PDE2A: variants seen among roughly 807,000 people sequenced by gnomAD.
PDE2A encodes cGMP-dependent 3',5'-cyclic phosphodiesterase.
Under a neutral mutation model 133.6 loss-of-function variants are expected in PDE2A, and 53 were observed. The observed-to-expected ratio is 0.40, with a 90% confidence interval of 0.32 to 0.50. The LOEUF is 0.50. Among genes scored for constraint, PDE2A ranks in the 20% least tolerant of loss-of-function variants. PDE2A has a pLI of 0.73. For synonymous variants in PDE2A, 491 were observed against 490.2 expected (o/e 1.00, Z -0.02); for missense variants, 796 against 1,232.4 (o/e 0.65, Z 5.30).
In PDE2A at chr11:72,581,364, A is replaced by C. The variant is rs770031228; in HGVS notation, c.2038T>G (p.Tyr680Asp). 6.2e-6 allele frequency: 10 copies of C among 1,612,910 alleles called. No homozygotes were observed. In the Admixed American group the frequency reaches 1.5e-4, roughly 24 times the overall value. ...GGAGATGCAGCCACTCACTCGAGGT[A>C]GTTGGTGAGCTCCAGGTTCTTGTAG... Reference protein sequence around the residue: ...LLYKNLELTNYLEDIEIFALF... With the variant: ...LLYKNLELTNDLEDIEIFALF... The change falls in exon 23 of 31, where the codon TAC becomes GAC. Residue 680 changes from tyrosine to aspartate, a missense_variant. Tyr to Asp is a radical substitution (Grantham distance 160). Transcript: ENST00000334456.
intron 6 of PDE2A, 101 bp downstream of exon 6, chr11:72,596,484 TCACACACA>T (rs60716742): frequency 1.0e-5 from 2 of 192,282 alleles, no homozygotes; most frequent in African/African-American, 5.6e-5. Context: ...TCTCTCTCTC[TCACACACA>T]CACACACACA....
intron 12 of PDE2A, 49 bp from the exon 13 acceptor site, chr11:72,588,963 TC>T: frequency 6.4e-7 from 1 of 1,566,484 alleles, no homozygotes; most frequent in Non-Finnish European, 8.7e-7. Flanking sequence ...GCAGTATGCT[TC>T]CCTCCTCCAG....
chr11:72,634,181 G>A lies in PDE2A; in HGVS notation c.144+8073C>T, dbSNP rs552091776. 4.6e-5 allele frequency among the ~76,000 whole-genome samples: 7 copies of A among 151,748 alleles called. No individual in the cohort carries two copies. The East Asian group carries it at 7.7e-4, about 17-fold the overall frequency. ...GAGGGAAGGGGCAGCAGGAGGAAGC[G>A]GGTGGCAGAGTCACGACAGGAGGGC... On this transcript the variant is annotated intron_variant, in intron 2 of 30. Coordinates refer to ENST00000334456, the MANE Select transcript of PDE2A (RefSeq NM_002599.5).
rs772894994 is a variant in PDE2A at position 72,581,479 on chromosome 11, C to G, written c.1923G>C (p.Arg641=). 2.5e-6 allele frequency: 4 copies of G among 1,592,528 alleles called. 1 individual carries two copies. In the Admixed American group the frequency reaches 7.3e-5, roughly 29 times the overall value. The change falls in exon 23 of 31, where the codon CGG becomes CGC. Residue 641 remains arginine (R), a splice_region_variant and synonymous_variant. Transcript: ENST00000334456. The part of the protein sequence containing the change: ...NYKIDCPTLA[R]FCLMVKKGYR... Reference sequence around the variant, plus strand: ...AGCCCTTCTTCACCATCAAACAGAACCTGGGGGAGGGAAGAGGGCAGAAGA... The same window carrying G: ...AGCCCTTCTTCACCATCAAACAGAAGCTGGGGGAGGGAAGAGGGCAGAAGA...
chr11:72,579,161 C>T lies in PDE2A; in HGVS notation c.2356+123G>A, dbSNP rs914009527. On this transcript the variant is annotated intron_variant, in intron 27 of 30. Coordinates refer to ENST00000334456, the MANE Select transcript of PDE2A (RefSeq NM_002599.5). ...AGTGCTGGGTCTGCCTGGGGGGGGC[C>T]GTGCAGCCAGAGAAGGGTTGATGTT... 5 of 943,658 alleles carry T rather than the reference C, an allele frequency of 5.3e-6. No individual in the cohort carries two copies. The highest frequency in any genetic ancestry group is 1.6e-5 in the African/African-American group (1 of 62,142). 58.5% of individuals were successfully genotyped at this position (943,658 alleles called of 1,614,324 possible).
At chr11:72,649,006 G>A (rs1000991998) in intron 1 of PDE2A, among the ~76,000 whole-genome samples, 12 of 152,106 alleles carry the variant, frequency 7.9e-5, no homozygotes, top group African/African-American at 1.7e-4. Context: ...ACCTAAATCT[G>A]ATTCTGCCTC....
At position 72,581,761 on chromosome 11, in the gene PDE2A, GAC is replaced by G. The variant is rs1855733691; in HGVS notation, c.1922+114_1922+115del. ...TCATGGATCCTCCCCACCCCCATAA[GAC>G]TGGGTCTCCCCAGTCATCCTTAGAG... On this transcript the variant is annotated intron_variant, in intron 22 of 30. Coordinates refer to ENST00000334456, the MANE Select transcript of PDE2A (RefSeq NM_002599.5). The G allele has an allele frequency of 1.2e-5, 12 of 1,007,642 alleles. No homozygotes were observed. In the South Asian group the frequency reaches 1.6e-4, roughly 13 times the overall value. The allele number at this position is 1,007,642 out of a possible 1,614,324, so 62.4% of individuals were successfully genotyped here.
At position 72,590,906 on chromosome 11, in the gene PDE2A, T is replaced by C; in HGVS notation, c.550-326A>G. The C allele has an allele frequency of 2.8e-6, 1 of 359,506 alleles. No homozygotes were observed. Among genetic ancestry groups the C allele is most frequent in the Non-Finnish European group, 5.0e-6 (1 of 201,904 alleles). 22.3% of individuals were successfully genotyped at this position (359,506 alleles called of 1,614,324 possible). Reference sequence around the variant, plus strand: ...GTAAGTCCTTGTTAAAGTCACAAAATCATAAAGTCTCAGGCATGAAAGAGC... The same window carrying C: ...GTAAGTCCTTGTTAAAGTCACAAAACCATAAAGTCTCAGGCATGAAAGAGC... On this transcript the variant is annotated intron_variant, in intron 7 of 30. Transcript: ENST00000334456. This position sits in a 1 kb window ranked among gnomAD's most constrained non-coding sequence, Gnocchi z 4.8.
At chr11:72,612,393 T>C (rs1340871710) in intron 2 of PDE2A, among the ~76,000 whole-genome samples, 1 of 151,844 alleles carries the variant, frequency 6.6e-6, no homozygotes, top group Non-Finnish European at 1.5e-5. Flanking sequence ...CAAATATCAG[T>C]ATAGATATCA....
chr11:72,594,713 T>C (rs1052473388), intron 6 of PDE2A, among the ~76,000 whole-genome samples: 9 of 152,092 alleles, frequency 5.9e-5, no homozygotes, highest in Non-Finnish European at 1.3e-4. Flanking sequence ...GCCTCCTTCC[T>C]GCCTTGCTCA....
chr11:72,641,087 C>T (rs1858932346), intron 2 of PDE2A, among the ~76,000 whole-genome samples: 1 of 152,194 alleles, frequency 6.6e-6, no homozygotes, highest in African/African-American at 2.4e-5. Flanking sequence ...TATAGACCCA[C>T]CCAGCCTGGA....
At chr11:72,621,770 G>C (rs1046451655) in intron 2 of PDE2A, 2 of 152,028 alleles carry the variant, frequency 1.3e-5, no homozygotes, top group East Asian at 3.9e-4. Flanking sequence ...AAAATCCAAA[G>C]TCACATCTAT....
At chr11:72,637,412 T>G (rs1014601415) in intron 2 of PDE2A, among the ~76,000 whole-genome samples, 1 of 152,266 alleles carries the variant, frequency 6.6e-6, no homozygotes, top group African/African-American at 2.4e-5. Context: ...CTTCCCACCC[T>G]CTGTGCTGGG....
Position 72,589,194 on chromosome 11 carries a change from T to C in PDE2A, c.920A>G (p.Gln307Arg), listed in dbSNP as rs1232034599. The C allele has an allele frequency of 6.2e-7, 1 of 1,613,864 alleles. No individual in the cohort carries two copies. Among genetic ancestry groups the C allele is most frequent in the East Asian group, 2.2e-5 (1 of 44,882 alleles). Reference sequence around the variant, plus strand: ...ACTTACGGAGGTGAGGTCCTTCAGCTGGATGGACTTCTTGTCTTCCACCAC... The same window carrying C: ...ACTTACGGAGGTGAGGTCCTTCAGCCGGATGGACTTCTTGTCTTCCACCAC... The part of the protein sequence containing the change: ...GQVVEDKKSI[Q>R]LKDLTSEDVQ... Residue 307 changes from glutamine (Q) to arginine (R), a missense_variant, in exon 12 of 31, where the codon CAG (glutamine) becomes CGG (arginine). Around this residue, in one of 7 missense-constraint regions of PDE2A, gnomAD observed 417 missense variants for 475.3 expected, o/e 0.88. Coordinates refer to ENST00000334456, the MANE Select transcript of PDE2A (RefSeq NM_002599.5).
intron 2 of PDE2A, among the ~76,000 whole-genome samples, chr11:72,636,374 T>A (rs1202161645): frequency 6.6e-6 from 1 of 152,256 alleles, no homozygotes; most frequent in Non-Finnish European, 1.5e-5. Flanking sequence ...TGAATTTTAT[T>A]AAGTATTACA....
Position 72,590,233 on chromosome 11 carries a change from C to G in PDE2A, c.715G>C (p.Asp239His). The change falls in exon 9 of 31, where the codon GAC (aspartate) becomes CAC (histidine). Residue 239 changes from aspartate (D) to histidine (H), a missense_variant. By Grantham distance (81) the Asp-to-His change is moderately conservative (BLOSUM62 -1). Coordinates refer to ENST00000334456, the MANE Select transcript of PDE2A (RefSeq NM_002599.5). The surrounding 1 kb of genome is among the most constrained non-coding windows in gnomAD (Gnocchi z 4.8). Reference protein sequence around the residue: ...KILQLCGELYDLDASSLQLKV... With the variant: ...KILQLCGELYHLDASSLQLKV... ...AGCTGCAGGGAAGAGGCATCCAGGTCGTAGAGTTCCCCTGCAAGGGCCAGG... is the reference window on the plus strand; with the variant it reads ...AGCTGCAGGGAAGAGGCATCCAGGTGGTAGAGTTCCCCTGCAAGGGCCAGG... 2 of 1,551,602 alleles carry G rather than the reference C, an allele frequency of 1.3e-6. No individual in the cohort carries two copies. The highest frequency in any genetic ancestry group is 1.2e-5 in the South Asian group (1 of 84,034).
chr11:72,666,705 C>T (rs1444296685), intron 1 of PDE2A, among the ~76,000 whole-genome samples: 2 of 152,208 alleles, frequency 1.3e-5, no homozygotes, highest in East Asian at 3.8e-4. Flanking sequence ...ACAGGGAACA[C>T]ACATACGGTT....
chr11:72,591,283 C>A lies in PDE2A; in HGVS notation c.549+14G>T. 1.2e-6 allele frequency: 2 copies of A among 1,608,694 alleles called. No homozygotes were observed. The highest frequency in any genetic ancestry group is 1.7e-6 in the Non-Finnish European group (2 of 1,175,118). On this transcript the variant is annotated intron_variant, in intron 7 of 30. Coordinates refer to ENST00000334456, the MANE Select transcript of PDE2A (RefSeq NM_002599.5). ...GTCTTCAGCCTCATTGCACATGGCCCCACTCCCACTCACATGCTTCTCCAC... is the reference window on the plus strand; with the variant it reads ...GTCTTCAGCCTCATTGCACATGGCCACACTCCCACTCACATGCTTCTCCAC...
chr11:72,593,628 A>G (rs547596702), intron 6 of PDE2A, among the ~76,000 whole-genome samples: 29 of 152,318 alleles, frequency 1.9e-4, no homozygotes, highest in South Asian at 1.0e-3. Context: ...ATCAAATGCC[A>G]GAGACCAAGG....
Sources: gnomAD v4.1 joint callset for allele counts (sites outside exome capture counted in the v4.1 genomes callset) on GRCh38, gnomAD v4.1.1 for gene constraint, gnomAD v4.1.1 regional missense constraint, Gnocchi (gnomAD v3.1) non-coding constraint, MANE v1.5 for transcripts, NCBI Gene and HGNC (gene_info 2026-07-23, HGNC 2026-07-21) for gene names.